Variants in SHISA9 observed in about 807,000 individuals in gnomAD.
SHISA9 encodes the protein protein shisa-9.
SHISA9 carries 13 observed loss-of-function variants against 38.0 expected under a neutral mutation model. The observed-to-expected ratio is 0.34, with a 90% CI of 0.22 to 0.54. The LOEUF (loss-of-function observed/expected upper bound fraction) is 0.54. Among genes scored for constraint, SHISA9 ranks in the 20% least tolerant of loss-of-function variants. SHISA9 has a pLI of 0.91. For missense variants in SHISA9, 538 were observed against 575.8 expected (o/e 0.93, Z 0.67); for synonymous variants, 275 against 242.0 (o/e 1.14, Z -1.27).
chr16:13,016,444 G>A (rs946284218), intron 2 of SHISA9, among the ~76,000 whole-genome samples: 1 of 152,158 alleles, frequency 6.6e-6, no homozygotes, highest in African/African-American at 2.4e-5. Context: ...AGAAAGATCA[G>A]TTCACAAACA....
the SHISA9 span, among the ~76,000 whole-genome samples, chr16:13,444,801 T>C: frequency 2.7e-5 from 4 of 150,606 alleles, no homozygotes; most frequent in African/African-American, 7.3e-5. Flanking sequence ...TCCCTCCCTC[T>C]TCCCTCCATC....
intron 4 of SHISA9, among the ~76,000 whole-genome samples, chr16:13,213,950 T>A (rs1264402359): frequency 6.6e-6 from 1 of 152,208 alleles, no homozygotes; most frequent in Non-Finnish European, 1.5e-5. Context: ...GGCATTGTCA[T>A]CTGCATTTAG....
chr16:13,019,192 G>T (rs912278275), intron 2 of SHISA9, among the ~76,000 whole-genome samples: 1 of 152,036 alleles, frequency 6.6e-6, no homozygotes, highest in Admixed American at 6.6e-5. Flanking sequence ...TAGAGATGGG[G>T]TTTCACCATG....
chr16:13,457,306 A>AAAACAAAC, the SHISA9 span, among the ~76,000 whole-genome samples: 62 of 151,332 alleles, frequency 4.1e-4, no homozygotes, highest in Admixed American at 1.4e-3. Flanking sequence ...AACTCTATCA[A>AAAACAAAC]AAACAAACAA....
the SHISA9 span, among the ~76,000 whole-genome samples, chr16:13,503,066 A>G: frequency 6.6e-6 from 1 of 152,194 alleles, no homozygotes; most frequent in African/African-American, 2.4e-5. Flanking sequence ...TCTCAAAGGG[A>G]AGGATATTTA....
the SHISA9 span, among the ~76,000 whole-genome samples, chr16:13,309,963 C>G: frequency 4.6e-5 from 7 of 152,292 alleles, no homozygotes; most frequent in East Asian, 1.4e-3. Context: ...TCTCGGCTCA[C>G]TGCAACCTCT....
At chr16:13,245,867 C>G in the SHISA9 span, among the ~76,000 whole-genome samples, 1 of 152,134 alleles carries the variant, frequency 6.6e-6, no homozygotes, top group African/African-American at 2.4e-5. Context: ...AGACAAATGT[C>G]CAAGGTTCAG....
intron 2 of SHISA9, among the ~76,000 whole-genome samples, chr16:13,123,985 C>G (rs967858307): frequency 3.3e-5 from 5 of 152,204 alleles, no homozygotes; most frequent in Admixed American, 6.5e-5. Flanking sequence ...TATGACTGTT[C>G]CCTTTTCCAT....
At chr16:13,251,007 T>C in the SHISA9 span, among the ~76,000 whole-genome samples, 2 of 152,168 alleles carry the variant, frequency 1.3e-5, no homozygotes, top group African/African-American at 4.8e-5. Flanking sequence ...ACCAATACTC[T>C]ATGTGACCCT....
the SHISA9 span, among the ~76,000 whole-genome samples, chr16:13,321,606 G>A: frequency 4.6e-5 from 7 of 152,162 alleles, no homozygotes; most frequent in African/African-American, 1.7e-4. Flanking sequence ...GATTGTAAAG[G>A]CTGAGGGAAA....
chr16:13,083,203 C>T (rs1025147051), intron 2 of SHISA9, among the ~76,000 whole-genome samples: 4 of 152,286 alleles, frequency 2.6e-5, no homozygotes, highest in East Asian at 1.9e-4. Flanking sequence ...CCTGGCAGTT[C>T]GTGGCTACTC....
chr16:13,029,962 C>A (rs916830277), intron 2 of SHISA9, among the ~76,000 whole-genome samples: 2 of 152,196 alleles, frequency 1.3e-5, no homozygotes, highest in Non-Finnish European at 2.9e-5. Flanking sequence ...TCAGTTTCCG[C>A]ATCTGTGAAC....
the SHISA9 span, among the ~76,000 whole-genome samples, chr16:13,363,332 C>T: frequency 6.6e-6 from 1 of 152,236 alleles, no homozygotes; most frequent in African/African-American, 2.4e-5. Context: ...ACTAAGTCTC[C>T]TTCGTTTGCC....
intron 2 of SHISA9, among the ~76,000 whole-genome samples, chr16:12,975,514 GA>G (rs1171530373): frequency 6.6e-6 from 1 of 151,676 alleles, no homozygotes; most frequent in Non-Finnish European, 1.5e-5. Context: ...AGAAAGAAAG[GA>G]AAAAGGAATA....
chr16:13,036,423 T>C (rs1177119949), intron 2 of SHISA9, among the ~76,000 whole-genome samples: 2 of 152,150 alleles, frequency 1.3e-5, no homozygotes, highest in Non-Finnish European at 2.9e-5. Flanking sequence ...AAATGACAAA[T>C]GAAATCTAGT....
chr16:12,963,691 A>G (rs1385269571), intron 2 of SHISA9, among the ~76,000 whole-genome samples: 3 of 152,216 alleles, frequency 2.0e-5, no homozygotes, highest in African/African-American at 4.8e-5. Context: ...TAACTGGCTT[A>G]TGATTATAAG....
At chr16:13,292,813 G>A in the SHISA9 span, among the ~76,000 whole-genome samples, 712 of 152,262 alleles carry the variant, frequency 4.7e-3, 7 homozygotes, top group Non-Finnish European at 8.2e-3. Flanking sequence ...AAAAAAATTT[G>A]TCAAGGACCA....
the SHISA9 span, among the ~76,000 whole-genome samples, chr16:13,444,982 CTATATATA>C: frequency 2.8e-3 from 297 of 106,248 alleles, no homozygotes; most frequent in African/African-American, 6.3e-3. Flanking sequence ...CCATGCCTAG[CTATATATA>C]TATATATATA....
chr16:12,953,290 G>C (rs1342121402), intron 2 of SHISA9, among the ~76,000 whole-genome samples: 1 of 152,136 alleles, frequency 6.6e-6, no homozygotes, highest in African/African-American at 2.4e-5. Context: ...TGCCTACTCT[G>C]TGCTAGGCAT....
Sources: allele counts gnomAD v4.1 joint callset (sites outside exome capture counted in the v4.1 genomes callset), GRCh38; gene constraint gnomAD v4.1.1; transcripts MANE v1.5; gene names NCBI Gene and HGNC (gene_info 2026-07-23, HGNC 2026-07-21).